Variants in SLC24A2 observed in about 807,000 individuals in gnomAD.
SLC24A2 encodes solute carrier family 24 member 2, also known as sodium/potassium/calcium exchanger 2.
In SLC24A2, 36 loss-of-function variants were observed where a neutral mutation model predicts 62.0. The observed-to-expected ratio is 0.58, with a 90% CI of 0.44 to 0.77. SLC24A2 has a LOEUF of 0.77. Ranked by LOEUF, SLC24A2 falls within the 30% of genes least tolerant of loss-of-function variation. The probability of loss-of-function intolerance (pLI) is 0.00; values close to 1 mark genes in which losing one functional copy is unlikely to be tolerated. For missense variants in SLC24A2, 846 were observed against 817.9 expected, an observed-to-expected ratio of 1.03 and a Z score of -0.42; for synonymous variants, 358 against 294.0, an observed-to-expected ratio of 1.22 and a Z score of -2.23.
the SLC24A2 span, among the ~76,000 whole-genome samples, chr9:20,293,438 G>A: frequency 6.6e-6 from 1 of 152,152 alleles, no homozygotes; most frequent in Admixed American, 6.5e-5. Flanking sequence ...TCATTGTAGG[G>A]AACCCCTATG....
chr9:19,634,835 C>T (rs1300673626), intron 2 of SLC24A2, among the ~76,000 whole-genome samples: 1 of 152,000 alleles, frequency 6.6e-6, no homozygotes, highest in Non-Finnish European at 1.5e-5. Flanking sequence ...GTCATGCATC[C>T]CTCTAATCTT....
the SLC24A2 span, among the ~76,000 whole-genome samples, chr9:19,903,296 G>A: frequency 9.2e-5 from 14 of 152,108 alleles, no homozygotes; most frequent in Non-Finnish European, 1.5e-4. Flanking sequence ...CTGCTTTCTC[G>A]TTATAACCTC....
chr9:19,927,641 T>A, the SLC24A2 span: 1 of 152,168 alleles, frequency 6.6e-6, no homozygotes, highest in South Asian at 2.1e-4. Context: ...ACCCCCCACG[T>A]ACTTGGGATA....
At chr9:20,170,069 G>C in the SLC24A2 span, among the ~76,000 whole-genome samples, 1 of 151,312 alleles carries the variant, frequency 6.6e-6, no homozygotes, top group Non-Finnish European at 1.5e-5. Context: ...AACTGAACAG[G>C]CAGAAGAAAG....
rs1272817337 is a variant in SLC24A2, at chr9:19,672,106, G to C, written c.931-49807C>G. Among the ~76,000 whole-genome samples, 5 of 146,222 alleles carry C rather than the reference G, an allele frequency of 3.4e-5. 1 individual carries two copies. Among genetic ancestry groups the C allele is most frequent in the African/African-American group, 8.1e-5 (3 of 37,102 alleles). ...GAAGAATTCCCTCTTTCTCTATCTTGTGGAATAGTGTCAATAGGATTGGTA... is the reference window on the plus strand; with the variant it reads ...GAAGAATTCCCTCTTTCTCTATCTTCTGGAATAGTGTCAATAGGATTGGTA... On this transcript the variant is annotated intron_variant, in intron 2 of 10. Coordinates refer to ENST00000341998, the MANE Select transcript of SLC24A2 (RefSeq NM_020344.4).
intron 10 of SLC24A2, among the ~76,000 whole-genome samples, chr9:19,518,040 T>C (rs1833021408): frequency 6.6e-6 from 1 of 152,032 alleles, no homozygotes; most frequent in Non-Finnish European, 1.5e-5. Context: ...ACACTTTTCA[T>C]GCCTTTTGGT....
chr9:20,174,622 C>T, the SLC24A2 span, among the ~76,000 whole-genome samples: 1 of 151,846 alleles, frequency 6.6e-6, no homozygotes, highest in African/African-American at 2.4e-5. Context: ...ACTAATGATC[C>T]AGGAAATGCA....
the SLC24A2 span, among the ~76,000 whole-genome samples, chr9:20,057,256 A>C: frequency 6.6e-6 from 1 of 152,212 alleles, no homozygotes; most frequent in Non-Finnish European, 1.5e-5. Flanking sequence ...TGTGATGCTC[A>C]TTATGTTATT....
chr9:20,170,616 G>T, the SLC24A2 span, among the ~76,000 whole-genome samples: 1 of 151,998 alleles, frequency 6.6e-6, no homozygotes, highest in Non-Finnish European at 1.5e-5. Context: ...AAGGGGGTAG[G>T]CTGTTTTACA....
chr9:20,020,193 C>G, the SLC24A2 span, among the ~76,000 whole-genome samples: 54 of 152,292 alleles, frequency 3.5e-4, no homozygotes, highest in Non-Finnish European at 5.9e-4. Flanking sequence ...ACCAGAAATA[C>G]CATTTGACCC....
chr9:20,181,981 A>C, the SLC24A2 span, among the ~76,000 whole-genome samples: 1 of 152,228 alleles, frequency 6.6e-6, no homozygotes, highest in Non-Finnish European at 1.5e-5. Context: ...ATGAACAGAC[A>C]CTTATCAAAA....
In SLC24A2 at chr9:19,707,988, C is replaced by T. The variant is rs555834603; in HGVS notation, c.930+77949G>A. 4.9e-3 allele frequency among the ~76,000 whole-genome samples: 742 copies of T among 152,224 alleles called. 3 individuals are homozygous for T. The highest frequency in any genetic ancestry group is 0.017 in the African/African-American group (699 of 41,540). On this transcript the variant is annotated intron_variant, in intron 2 of 10. Transcript: ENST00000341998. ...TTGTCCCTGTTTGCAGATGACATGA[C>T]TGTGTATCTATAAAACCCCATTGTC...
At chr9:20,145,536 A>G in the SLC24A2 span, among the ~76,000 whole-genome samples, 1 of 152,002 alleles carries the variant, frequency 6.6e-6, no homozygotes, top group Non-Finnish European at 1.5e-5. Context: ...GTGGGCAAAG[A>G]AAGAAAAGAA....
intron 9 of SLC24A2, among the ~76,000 whole-genome samples, chr9:19,524,954 G>T (rs1333069859): frequency 2.0e-5 from 3 of 152,148 alleles, no homozygotes; most frequent in African/African-American, 7.2e-5. Flanking sequence ...ATTAGTACAT[G>T]AAGAAATAGA....
chr9:20,057,865 C>A, the SLC24A2 span, among the ~76,000 whole-genome samples: 7 of 152,112 alleles, frequency 4.6e-5, no homozygotes. Flanking sequence ...TTTACAAGGT[C>A]AAGTTGTAAG....
chr9:20,204,225 G>A, the SLC24A2 span, among the ~76,000 whole-genome samples: 1 of 152,204 alleles, frequency 6.6e-6, no homozygotes, highest in African/African-American at 2.4e-5. Context: ...ACCTTGTACA[G>A]TTGAATTGCT....
the SLC24A2 span, among the ~76,000 whole-genome samples, chr9:20,188,993 AG>A: frequency 6.6e-6 from 1 of 152,114 alleles, no homozygotes; most frequent in Non-Finnish European, 1.5e-5. Flanking sequence ...TGTTTACACA[AG>A]CTGTTATAAT....
chr9:20,150,369 GATTT>G, the SLC24A2 span, among the ~76,000 whole-genome samples: 1 of 151,886 alleles, frequency 6.6e-6, no homozygotes, highest in Non-Finnish European at 1.5e-5. Context: ...ATACATCATG[GATTT>G]ATTGTTCTTC....
At chr9:19,656,913 CA>C (rs1046154964) in intron 2 of SLC24A2, among the ~76,000 whole-genome samples, 22 of 152,158 alleles carry the variant, frequency 1.4e-4, no homozygotes, top group African/African-American at 5.1e-4. Context: ...CCTCCCCTCC[CA>C]CCTCCTCAGG....
Sources: allele counts gnomAD v4.1 joint callset (sites outside exome capture counted in the v4.1 genomes callset), GRCh38; gene constraint gnomAD v4.1.1; transcripts MANE v1.5; gene names NCBI Gene and HGNC (gene_info 2026-07-23, HGNC 2026-07-21).